The following ASIC2 variants were observed in gnomAD, a reference collection of about 807,000 sequenced individuals.
ASIC2 encodes the protein acid-sensing ion channel 2.
ASIC2 carries 25 observed loss-of-function variants against 57.3 expected under a neutral mutation model. The ratio of observed to expected loss-of-function variants is 0.44; its 90% confidence interval spans 0.32 to 0.61. ASIC2 has a LOEUF of 0.61. Among genes scored for constraint, ASIC2 ranks in the 20% least tolerant of loss-of-function variants. The pLI is 0.06. For missense variants in ASIC2, 641 were observed against 738.1 expected (o/e 0.87, Z 1.52); for synonymous variants, 319 against 307.5 (o/e 1.04, Z -0.39).
intron 1 of ASIC2, among the ~76,000 whole-genome samples, chr17:33,250,736 G>A (rs576614498): frequency 2.6e-5 from 4 of 152,282 alleles, no homozygotes; most frequent in African/African-American, 9.6e-5. Context: ...GTTACAGTGC[G>A]GAGGGGAGTC....
chr17:33,900,864 T>C (rs1361439425), intron 1 of ASIC2, among the ~76,000 whole-genome samples: 1 of 152,200 alleles, frequency 6.6e-6, no homozygotes. Context: ...GCAAACAGGA[T>C]GCATGATGAA....
At chr17:33,387,865 G>A (rs1213045821) in intron 1 of ASIC2, among the ~76,000 whole-genome samples, 1 of 152,010 alleles carries the variant, frequency 6.6e-6, no homozygotes, top group African/African-American at 2.4e-5. Context: ...AGAAGAAAAG[G>A]CGATGTGAAT....
intron 1 of ASIC2, among the ~76,000 whole-genome samples, chr17:34,026,680 C>T (rs1159581382): frequency 6.6e-6 from 1 of 152,164 alleles, no homozygotes; most frequent in Non-Finnish European, 1.5e-5. Context: ...AGCCATTTCC[C>T]AGCATTCATC....
At chr17:33,632,313 A>T in intron 1 of ASIC2, among the ~76,000 whole-genome samples, 1 of 152,216 alleles carries the variant, frequency 6.6e-6, no homozygotes, top group Non-Finnish European at 1.5e-5. Context: ...ATACATCAAA[A>T]CAACATAATA....
intron 1 of ASIC2, among the ~76,000 whole-genome samples, chr17:33,462,862 T>C (rs532661454): frequency 2.0e-5 from 3 of 152,300 alleles, no homozygotes; most frequent in East Asian, 3.9e-4. Context: ...GGTTTCTACT[T>C]TGCGGCTAGA....
intron 1 of ASIC2, among the ~76,000 whole-genome samples, chr17:33,144,092 C>T (rs1023834586): frequency 1.3e-5 from 2 of 151,362 alleles, no homozygotes; most frequent in African/African-American, 4.9e-5. Context: ...GTGATTGGTC[C>T]GGGGTGGGCA....
intron 1 of ASIC2, chr17:34,003,873 C>T (rs528645883): frequency 2.0e-5 from 3 of 152,152 alleles, no homozygotes; most frequent in Admixed American, 6.6e-5. Flanking sequence ...TGTGTGTTTC[C>T]GTATCATTGG....
intron 1 of ASIC2, among the ~76,000 whole-genome samples, chr17:33,991,174 T>C (rs1423344145): frequency 6.6e-6 from 1 of 152,192 alleles, no homozygotes; most frequent in African/African-American, 2.4e-5. Flanking sequence ...GAAAAATATC[T>C]TTTCCTTATT....
chr17:33,333,875 C>T (rs1907411663), intron 1 of ASIC2, among the ~76,000 whole-genome samples: 4 of 152,204 alleles, frequency 2.6e-5, no homozygotes, highest in Admixed American at 6.5e-5. Context: ...TCATTTCTGA[C>T]AATTTGGAAA....
intron 3 of ASIC2, among the ~76,000 whole-genome samples, chr17:33,079,969 T>C (rs1358684849): frequency 1.3e-5 from 2 of 151,992 alleles, no homozygotes; most frequent in East Asian, 1.9e-4. Context: ...AGGGAGAAGA[T>C]GAATTTAGTT....
intron 1 of ASIC2, among the ~76,000 whole-genome samples, chr17:33,454,056 C>CA (rs1308888574): frequency 6.6e-6 from 1 of 152,144 alleles, no homozygotes; most frequent in Admixed American, 6.6e-5. Context: ...TTGGCTATTC[C>CA]AAAGAAATCT....
chr17:33,572,301 C>CT (rs1916474828), intron 1 of ASIC2: 2 of 132,650 alleles, frequency 1.5e-5, no homozygotes, highest in Non-Finnish European at 3.2e-5. Flanking sequence ...TAAAGAAACG[C>CT]ACCCCCCCCA....
At chr17:33,562,607 A>G (rs1916107252) in intron 1 of ASIC2, among the ~76,000 whole-genome samples, 1 of 152,164 alleles carries the variant, frequency 6.6e-6, no homozygotes, top group Non-Finnish European at 1.5e-5. Flanking sequence ...GTCTTGCCTG[A>G]TAAGGGAAGT....
chr17:33,088,601 A>G (rs1197788613), intron 3 of ASIC2, among the ~76,000 whole-genome samples: 1 of 152,230 alleles, frequency 6.6e-6, no homozygotes, highest in Non-Finnish European at 1.5e-5. Flanking sequence ...TTGTACAAAA[A>G]GTCAACTGTA....
At chr17:33,116,073 G>A (rs893003060) in intron 1 of ASIC2, among the ~76,000 whole-genome samples, 1 of 152,138 alleles carries the variant, frequency 6.6e-6, no homozygotes, top group African/African-American at 2.4e-5. Flanking sequence ...AGGCATTAGA[G>A]GAAATAATCC....
chr17:34,114,683 T>C (rs1911377022), intron 1 of ASIC2, among the ~76,000 whole-genome samples: 1 of 152,114 alleles, frequency 6.6e-6, no homozygotes, highest in Non-Finnish European at 1.5e-5. Context: ...TTGAAAACAG[T>C]GAGGGTTAAG....
intron 1 of ASIC2, among the ~76,000 whole-genome samples, chr17:33,699,908 G>A (rs7217069): frequency 0.14 from 20,808 of 152,072 alleles, 1,461 homozygotes; most frequent in Non-Finnish European, 0.14. Flanking sequence ...CAGGACTTTC[G>A]TTTTTAGCAA....
intron 1 of ASIC2, among the ~76,000 whole-genome samples, chr17:34,147,879 C>T (rs965626627): frequency 3.9e-5 from 6 of 152,162 alleles, no homozygotes; most frequent in Non-Finnish European, 7.4e-5. Flanking sequence ...ATATGGGCTG[C>T]TCTATGGAGC....
At chr17:33,648,346 T>C (rs779718469) in intron 1 of ASIC2, among the ~76,000 whole-genome samples, 2 of 152,224 alleles carry the variant, frequency 1.3e-5, no homozygotes, top group African/African-American at 2.4e-5. Context: ...TCCAGTGCAC[T>C]GTCCTGGCTA....
Sources: allele counts gnomAD v4.1 joint callset (sites outside exome capture counted in the v4.1 genomes callset), GRCh38; gene constraint gnomAD v4.1.1; transcripts MANE v1.5; gene names NCBI Gene and HGNC (gene_info 2026-07-23, HGNC 2026-07-21).